Variants in ZBTB38 observed in about 807,000 individuals in gnomAD.
The protein encoded by ZBTB38 is zinc finger and BTB domain-containing protein 38.
A neutral mutation model predicts 76.8 loss-of-function variants in ZBTB38; 20 were observed. The observed-to-expected ratio is 0.26, with a 90% CI of 0.18 to 0.38. The LOEUF is 0.38. ZBTB38 is among the 10% of genes least tolerant of loss of function. ZBTB38 has a pLI of 1.00. For missense variants in ZBTB38, 1,082 were observed against 1,482.3 expected (o/e 0.73, Z 4.43); for synonymous variants, 504 against 544.2 (o/e 0.93, Z 1.03).
At chr3:141,357,195 T>C (rs1943687667) in intron 1 of ZBTB38, among the ~76,000 whole-genome samples, 1 of 152,250 alleles carries the variant, frequency 6.6e-6, no homozygotes, top group South Asian at 2.1e-4. Context: ...ACATGTTTTA[T>C]ATACTATTTG....
In ZBTB38 at chr3:141,443,436, G is replaced by A; in HGVS notation, c.1048G>A (p.Ala350Thr). The A allele has an allele frequency of 1.2e-6, 2 of 1,614,192 alleles. No homozygotes were observed. Among genetic ancestry groups the A allele is most frequent in the East Asian group, 2.2e-5 (1 of 44,890 alleles). The stretch of plus-strand genomic sequence containing the variant: ...GTACAATTGTAGCTGCTGTTCCAAA[G>A]CCTTTGACAGCAGCACTCTGCTCAG... ...LVYNCSCCSK[A>T]FDSSTLLSAH... Residue 350 changes from alanine (A) to threonine (T), a missense_variant, in exon 6 of 6, where the codon GCC (alanine) becomes ACC (threonine). Ala to Thr is a moderately conservative substitution (Grantham distance 58). Around this residue, in one of 8 missense-constraint regions of ZBTB38, gnomAD observed 324 missense variants for 359.1 expected, o/e 0.90. Transcript: ENST00000321464. This position sits in a 1 kb window ranked among gnomAD's most constrained non-coding sequence, Gnocchi z 5.6.
At chr3:141,441,893 G>A (rs2080331629) in intron 5 of ZBTB38, among the ~76,000 whole-genome samples, 1 of 151,500 alleles carries the variant, frequency 6.6e-6, no homozygotes, top group Non-Finnish European at 1.5e-5. Context: ...TCCAGCCTGG[G>A]CAACAGAGCG....
chr3:141,377,768 A>C (rs1945593676), intron 2 of ZBTB38, among the ~76,000 whole-genome samples: 1 of 152,246 alleles, frequency 6.6e-6, no homozygotes, highest in South Asian at 2.1e-4. Flanking sequence ...ACTATTCAGC[A>C]ATAAAAAGGC....
intron 1 of ZBTB38, among the ~76,000 whole-genome samples, chr3:141,329,886 T>C (rs1370787109): frequency 6.6e-6 from 1 of 152,076 alleles, no homozygotes; most frequent in Non-Finnish European, 1.5e-5. Context: ...CCCAGCACTT[T>C]GGGAGGCCAA....
upstream of ZBTB38, chr3:141,367,063 G>C (rs1943997177): frequency 6.6e-6 from 1 of 152,210 alleles, no homozygotes; most frequent in African/African-American, 2.4e-5. Flanking sequence ...GTCCAGATCT[G>C]TTCCCAATCC....
chr3:141,442,418 C>G lies in ZBTB38; in HGVS notation c.30C>G (p.Leu10=). 1.2e-6 allele frequency: 2 copies of G among 1,613,880 alleles called. No homozygotes were observed. The highest frequency in any genetic ancestry group is 1.7e-6 in the Non-Finnish European group (2 of 1,179,820). The part of the protein sequence containing the change: MTVMSLSRD[L]KDDFHSDTVL... ...CAGTCATGTCCCTTTCCAGGGACCT[C>G]AAGGACGACTTTCACAGTGACACGG... The change falls in exon 6 of 6, where the codon CTC becomes CTG. Residue 10 remains leucine, a synonymous_variant. Coordinates refer to ENST00000321464, the MANE Select transcript of ZBTB38 (RefSeq NM_001376113.1). The surrounding 1 kb of genome is among the most constrained non-coding windows in gnomAD (Gnocchi z 6.4).
intron 1 of ZBTB38, among the ~76,000 whole-genome samples, chr3:141,336,413 CAT>C (rs1943017711): frequency 1.3e-5 from 2 of 151,984 alleles, no homozygotes; most frequent in African/African-American, 4.8e-5. Context: ...AGAGACAGAA[CAT>C]GTGTTGGGCA....
At chr3:141,326,355 T>C (rs1197391922) in intron 1 of ZBTB38, among the ~76,000 whole-genome samples, 1 of 152,068 alleles carries the variant, frequency 6.6e-6, no homozygotes, top group Non-Finnish European at 1.5e-5. Flanking sequence ...AGAAAAACAG[T>C]TAATGTGCTT....
At chr3:141,378,306 G>T (rs1196301541) in intron 2 of ZBTB38, among the ~76,000 whole-genome samples, 1 of 152,134 alleles carries the variant, frequency 6.6e-6, no homozygotes, top group Non-Finnish European at 1.5e-5. Flanking sequence ...GATGGTGATG[G>T]TCATCACTCC....
chr3:141,381,404 A>G (rs907958049), intron 2 of ZBTB38, 21 bp from the exon 3 acceptor site: 1 of 152,338 alleles, frequency 6.6e-6, no homozygotes, highest in Non-Finnish European at 1.5e-5. Context: ...CACATGGTTT[A>G]CAGTTCCCTT....
intron 1 of ZBTB38, among the ~76,000 whole-genome samples, chr3:141,345,109 C>T (rs1943308977): frequency 6.6e-6 from 1 of 152,178 alleles, no homozygotes; most frequent in African/African-American, 2.4e-5. Context: ...ACCTCTCTCA[C>T]ACGAACTACC....
chr3:141,435,895 A>C (rs1318001870), intron 5 of ZBTB38, among the ~76,000 whole-genome samples: 2 of 152,166 alleles, frequency 1.3e-5, no homozygotes, highest in African/African-American at 2.4e-5. Context: ...AAAAATATTG[A>C]CTCATCTACA....
intron 5 of ZBTB38, chr3:141,426,117 G>C (rs1307936793): frequency 1.6e-6 from 2 of 1,288,886 alleles, no homozygotes; most frequent in Non-Finnish European, 2.0e-6. Flanking sequence ...CTTTAAAGCA[G>C]TTCTCAGACA....
At chr3:141,386,366 C>T (rs1559930230) in intron 3 of ZBTB38, 2 of 152,176 alleles carry the variant, frequency 1.3e-5, no homozygotes, top group African/African-American at 4.8e-5. Flanking sequence ...CGGTATCTGC[C>T]GCTCTGTACT....
chr3:141,359,352 T>C (rs960443696), intron 1 of ZBTB38, among the ~76,000 whole-genome samples: 2 of 152,254 alleles, frequency 1.3e-5, no homozygotes, highest in Admixed American at 1.3e-4. Flanking sequence ...CTTCCCTTCA[T>C]GTGCCATTGG....
chr3:141,430,545 T>C (rs1321498887), intron 5 of ZBTB38, among the ~76,000 whole-genome samples: 1 of 152,200 alleles, frequency 6.6e-6, no homozygotes, highest in African/African-American at 2.4e-5. Flanking sequence ...AGGCGCATCA[T>C]CTCATTCACT....
intron 5 of ZBTB38, among the ~76,000 whole-genome samples, chr3:141,431,187 G>A (rs1162943574): frequency 6.6e-6 from 1 of 151,436 alleles, no homozygotes; most frequent in Non-Finnish European, 1.5e-5. Context: ...GCCGGGCATG[G>A]TGGCAGGTGC....
At chr3:141,431,238 G>A (rs570428612) in intron 5 of ZBTB38, among the ~76,000 whole-genome samples, 16 of 150,460 alleles carry the variant, frequency 1.1e-4, no homozygotes, top group Admixed American at 7.3e-4. Context: ...CAGGAGAATC[G>A]CTTGAACCCA....
At chr3:141,405,250 AT>A (rs745341457) in intron 5 of ZBTB38, among the ~76,000 whole-genome samples, 4 of 152,206 alleles carry the variant, frequency 2.6e-5, no homozygotes, top group African/African-American at 4.8e-5. Flanking sequence ...GCAATTTTCT[AT>A]TGTTAATATG....
Sources: gnomAD v4.1 joint callset for allele counts (sites outside exome capture counted in the v4.1 genomes callset) on GRCh38, gnomAD v4.1.1 for gene constraint, gnomAD v4.1.1 regional missense constraint, Gnocchi (gnomAD v3.1) non-coding constraint, MANE v1.5 for transcripts, NCBI Gene and HGNC (gene_info 2026-07-23, HGNC 2026-07-21) for gene names.